Variants in SLC5A4 observed in about 807,000 individuals in gnomAD.
SLC5A4 encodes the protein probable glucose sensor protein SLC5A4.
A neutral mutation model predicts 70.3 loss-of-function variants in SLC5A4; 55 were observed. That is an observed-to-expected ratio of 0.78 (90% CI 0.63 to 0.98). The LOEUF is 0.98. SLC5A4 is among the 50% of genes least tolerant of loss of function. SLC5A4 has a pLI of 0.00. For synonymous variants in SLC5A4, 268 were observed against 305.7 expected (o/e 0.88, Z 1.29); for missense variants, 735 against 839.2 (o/e 0.88, Z 1.53).
chr22:32,234,931 C>G lies in SLC5A4; in HGVS notation c.827G>C (p.Trp276Ser). 1 of 1,613,044 alleles carries G rather than the reference C, an allele frequency of 6.2e-7. No individual in the cohort carries two copies. The highest frequency in any genetic ancestry group is 8.5e-7 in the Non-Finnish European group (1 of 1,180,008). Residue 276 changes from tryptophan to serine, a missense_variant, in exon 8 of 15, where the codon TGG (tryptophan) becomes TCG (serine). By Grantham distance (177) the Trp-to-Ser change is radical. Transcript: ENST00000266086. ...FRDAVTGDIP[W>S]PGIIFGMPIT... ...GGGCATTCCAAATATAATTCCTGGC[C>G]ATGGAATGTCCCCAGTCACAGCATC... is the stretch of plus-strand genomic sequence containing the variant.
At chr22:32,229,146 G>A (rs562170792) in intron 11 of SLC5A4, 48 bp downstream of exon 11, 86 of 1,574,284 alleles carry the variant, frequency 5.5e-5, no homozygotes, top group East Asian at 1.3e-4. Flanking sequence ...TCACTTCTAC[G>A]TCTGTACTTC....
At chr22:32,341,892 C>G in the SLC5A4 span, among the ~76,000 whole-genome samples, 1 of 152,220 alleles carries the variant, frequency 6.6e-6, no homozygotes, top group African/African-American at 2.4e-5. Flanking sequence ...ATATTCAGGT[C>G]TCTGCTTAAA....
chr22:32,280,395 C>T, the SLC5A4 span, among the ~76,000 whole-genome samples: 1 of 152,174 alleles, frequency 6.6e-6, no homozygotes, highest in Non-Finnish European at 1.5e-5. Context: ...GAATTCCCGT[C>T]CCTCTGTTCA....
chr22:32,290,026 A>T, the SLC5A4 span, among the ~76,000 whole-genome samples: 1 of 152,078 alleles, frequency 6.6e-6, no homozygotes, highest in African/African-American at 2.4e-5. Context: ...TATGATTGGC[A>T]TGATCTCTTC....
chr22:32,282,519 T>C, the SLC5A4 span, among the ~76,000 whole-genome samples: 1 of 152,174 alleles, frequency 6.6e-6, no homozygotes, highest in Non-Finnish European at 1.5e-5. Flanking sequence ...GTCCTTACTG[T>C]ACCTTGTTTT....
chr22:32,221,255 A>C (rs1441373107), intron 13 of SLC5A4, among the ~76,000 whole-genome samples: 2 of 152,242 alleles, frequency 1.3e-5, no homozygotes, highest in Non-Finnish European at 2.9e-5. Context: ...TTCAAATGAT[A>C]TACTTAAAAA....
At chr22:32,251,731 G>A (rs774925687) in intron 3 of SLC5A4, 39 bp downstream of exon 3, 4 of 1,188,404 alleles carry the variant, frequency 3.4e-6, no homozygotes, top group Non-Finnish European at 3.8e-6. Flanking sequence ...CACTGGATAT[G>A]GTTTTGATTT....
chr22:32,232,749 CT>C, intron 9 of SLC5A4, 149 bp downstream of exon 9: 1 of 904,912 alleles, frequency 1.1e-6, no homozygotes. Context: ...ATTTTCCTGC[CT>C]TTGACCACTG....
chr22:32,352,477 C>CA, the SLC5A4 span, among the ~76,000 whole-genome samples: 1 of 152,178 alleles, frequency 6.6e-6, no homozygotes, highest in South Asian at 2.1e-4. Context: ...AGTTACCCCC[C>CA]AAACTTCTGT....
At chr22:32,219,630 C>CAAAAAAAAAA in intron 14 of SLC5A4, among the ~76,000 whole-genome samples, 33 of 28,854 alleles carry the variant, frequency 1.1e-3, no homozygotes, top group African/African-American at 1.8e-3. Context: ...TCCAACTTAG[C>CAAAAAAAAAA]AAAAAAAAAA....
the SLC5A4 span, chr22:32,354,865 G>A: frequency 2.0e-5 from 3 of 152,410 alleles, no homozygotes; most frequent in Non-Finnish European, 2.9e-5. Flanking sequence ...CTGCGCTCTA[G>A]TCTCCCTGGC....
At chr22:32,269,241 T>C in the SLC5A4 span, 1 of 175,652 alleles carries the variant, frequency 5.7e-6, no homozygotes, top group East Asian at 1.7e-4. This position sits in a 1 kb window ranked among gnomAD's most constrained non-coding sequence, Gnocchi z 4.1. Context: ...TTTAAAATTA[T>C]ACATGTGGCT....
the SLC5A4 span, among the ~76,000 whole-genome samples, chr22:32,291,471 C>G: frequency 3.9e-5 from 6 of 152,260 alleles, no homozygotes; most frequent in South Asian, 6.2e-4. Context: ...GGCACTGCGC[C>G]GGGGTCAACT....
At chr22:32,288,878 C>A in the SLC5A4 span, among the ~76,000 whole-genome samples, 8 of 152,140 alleles carry the variant, frequency 5.3e-5, no homozygotes, top group African/African-American at 1.9e-4. Flanking sequence ...TTTAGGTTTT[C>A]TACCTATATG....
the SLC5A4 span, among the ~76,000 whole-genome samples, chr22:32,347,748 T>C: frequency 6.6e-6 from 1 of 151,418 alleles, no homozygotes; most frequent in Non-Finnish European, 1.5e-5. Context: ...AAGATATACC[T>C]AATGCTAAAT....
intron 1 of SLC5A4, among the ~76,000 whole-genome samples, chr22:32,254,991 G>A (rs1427902724): frequency 1.3e-5 from 2 of 152,094 alleles, no homozygotes; most frequent in Non-Finnish European, 2.9e-5. Flanking sequence ...TGAAGGTCCC[G>A]GTGCTGGCTG....
chr22:32,309,498 G>C, the SLC5A4 span, among the ~76,000 whole-genome samples: 1 of 152,106 alleles, frequency 6.6e-6, no homozygotes, highest in African/African-American at 2.4e-5. Flanking sequence ...ATCTATGCTT[G>C]AACTTGTCAC....
chr22:32,283,663 G>A, the SLC5A4 span, among the ~76,000 whole-genome samples: 2 of 152,156 alleles, frequency 1.3e-5, no homozygotes, highest in Non-Finnish European at 2.9e-5. Context: ...CACCCTAGGA[G>A]CATCAATAAT....
the SLC5A4 span, among the ~76,000 whole-genome samples, chr22:32,301,616 A>G: frequency 6.6e-6 from 1 of 152,164 alleles, no homozygotes; most frequent in Non-Finnish European, 1.5e-5. Flanking sequence ...AAATTCAACA[A>G]AGTCCCTCTC....
Sources: gnomAD v4.1 joint callset for allele counts (sites outside exome capture counted in the v4.1 genomes callset) on GRCh38, gnomAD v4.1.1 for gene constraint, Gnocchi (gnomAD v3.1) non-coding constraint, MANE v1.5 for transcripts, NCBI Gene and HGNC (gene_info 2026-07-23, HGNC 2026-07-21) for gene names.